EPHA5: variants seen among roughly 807,000 people sequenced by gnomAD.
The protein encoded by EPHA5 is EPH receptor A5.
A neutral mutation model predicts 105.0 loss-of-function variants in EPHA5; 60 were observed. The observed-to-expected ratio is 0.57, with a 90% CI of 0.46 to 0.71. The LOEUF is 0.71. Ranked by LOEUF, EPHA5 falls within the 30% of genes least tolerant of loss-of-function variation. The probability of loss-of-function intolerance (pLI) is 0.00; values close to 1 mark genes in which losing one functional copy is unlikely to be tolerated. For missense variants in EPHA5, 1,218 were observed against 1,274.7 expected (o/e 0.96, Z 0.68); for synonymous variants, 513 against 449.1 (o/e 1.14, Z -1.80).
chr4:65,591,236 A>G (rs1742616139), intron 3 of EPHA5, among the ~76,000 whole-genome samples: 1 of 152,124 alleles, frequency 6.6e-6, no homozygotes, highest in South Asian at 2.1e-4. Flanking sequence ...TATGAAATAG[A>G]CCAATATTTA....
At chr4:65,550,286 A>G (rs529875160) in intron 3 of EPHA5, among the ~76,000 whole-genome samples, 2 of 152,166 alleles carry the variant, frequency 1.3e-5, no homozygotes, top group East Asian at 1.9e-4. Context: ...GGGTGCCCAT[A>G]TTTCTCTTGA....
intron 11 of EPHA5, among the ~76,000 whole-genome samples, chr4:65,364,788 G>A (rs1286305890): frequency 6.6e-6 from 1 of 151,340 alleles, no homozygotes; most frequent in Non-Finnish European, 1.5e-5. Context: ...ATTTTTGTCT[G>A]ACATTGAATT....
chr4:65,482,092 G>A (rs563050116), intron 5 of EPHA5, among the ~76,000 whole-genome samples: 2 of 152,230 alleles, frequency 1.3e-5, no homozygotes, highest in East Asian at 1.9e-4. Context: ...GAGGTCAGGA[G>A]TTTGAGACCA....
chr4:65,472,058 C>T (rs1729339444), intron 5 of EPHA5, among the ~76,000 whole-genome samples: 1 of 152,134 alleles, frequency 6.6e-6, no homozygotes, highest in African/African-American at 2.4e-5. Flanking sequence ...AAATCAAAAG[C>T]TAGTTAGTTC....
At chr4:65,523,008 G>A (rs1170892016) in intron 3 of EPHA5, among the ~76,000 whole-genome samples, 8 of 151,810 alleles carry the variant, frequency 5.3e-5, no homozygotes, top group South Asian at 2.1e-4. Flanking sequence ...AAAAATCATC[G>A]TCAAATGGCT....
chr4:65,535,937 C>A (rs190285081), intron 3 of EPHA5, among the ~76,000 whole-genome samples: 1 of 151,954 alleles, frequency 6.6e-6, no homozygotes, highest in East Asian at 1.9e-4. Flanking sequence ...TACAATAAAA[C>A]ATTTTTTAAA....
chr4:65,489,081 T>G (rs1484014308), intron 5 of EPHA5, among the ~76,000 whole-genome samples: 1 of 151,916 alleles, frequency 6.6e-6, no homozygotes, highest in Non-Finnish European at 1.5e-5. Context: ...TTATTTTTAG[T>G]AGAGACGGGG....
chr4:65,495,649 C>CA, intron 3 of EPHA5, 106 bp from the exon 4 acceptor site: 1 of 854,834 alleles, frequency 1.2e-6, no homozygotes, highest in Non-Finnish European at 1.7e-6. Context: ...ACAGATAACA[C>CA]AATCTTTGCA....
intron 3 of EPHA5, among the ~76,000 whole-genome samples, chr4:65,504,840 T>A (rs940548782): frequency 6.6e-6 from 1 of 151,992 alleles, no homozygotes; most frequent in Non-Finnish European, 1.5e-5. Context: ...ATAAATAATA[T>A]AATTCAGGTA....
At chr4:65,564,925 T>C (rs1739375532) in intron 3 of EPHA5, among the ~76,000 whole-genome samples, 1 of 151,766 alleles carries the variant, frequency 6.6e-6, no homozygotes, top group Non-Finnish European at 1.5e-5. Context: ...TGTTAATTTA[T>C]GACCTAATTT....
chr4:65,442,491 G>A (rs10006666), intron 5 of EPHA5, among the ~76,000 whole-genome samples: 138,146 of 152,150 alleles, frequency 0.91, 63,612 homozygotes, highest in East Asian at 1. Context: ...ATCGCTAGCT[G>A]ATTAAAACAC....
In EPHA5 at chr4:65,490,475, G is replaced by A. The variant is rs1187298688; in HGVS notation, c.1304C>T (p.Thr435Ile). The change falls in exon 5 of 17, where the codon ACA becomes ATA. Residue 435 changes from threonine to isoleucine, a missense_variant. Transcript: ENST00000613740. Reference sequence around the variant, plus strand: ...TGCCTCAATCTCAAAGGTATAGTTTGTGTGAGCGAGTAGATCCACCATCAT... The same window carrying A: ...TGCCTCAATCTCAAAGGTATAGTTTATGTGAGCGAGTAGATCCACCATCAT... ...SVMMVDLLAHTNYTFEIEAVN... is the reference protein window; with the variant it reads ...SVMMVDLLAHINYTFEIEAVN... The A allele has an allele frequency of 6.8e-6, 11 of 1,614,030 alleles. No homozygotes were observed. The highest frequency in any genetic ancestry group is 4.0e-5 in the African/African-American group (3 of 74,920).
chr4:65,619,005 A>C (rs530295302), intron 2 of EPHA5, among the ~76,000 whole-genome samples: 1 of 152,244 alleles, frequency 6.6e-6, no homozygotes, highest in South Asian at 2.1e-4. Flanking sequence ...AAACACAAAA[A>C]TTAGCCGGGC....
chr4:65,382,896 C>A (rs1414068508), intron 8 of EPHA5, among the ~76,000 whole-genome samples: 5 of 151,320 alleles, frequency 3.3e-5, no homozygotes, highest in Admixed American at 2.6e-4. Flanking sequence ...TTAATGAATA[C>A]AAGGGAAAGG....
rs1043196704 is a variant in EPHA5 at position 65,643,390 on chromosome 4, C to T, written c.219G>A (p.Leu73=). The T allele has an allele frequency of 2.5e-6, 4 of 1,612,900 alleles. No individual in the cohort carries two copies. In the African/African-American group the frequency reaches 5.3e-5, roughly 22 times the overall value. Reference sequence around the variant, plus strand: ...CATTTTTTGGAAAAGCAATCCATCCCAGGTCCCCCATGACAGTGCGTGAAT... The same window carrying T: ...CATTTTTTGGAAAAGCAATCCATCCTAGGTCCCCCATGACAGTGCGTGAAT... ...LLDSRTVMGD[L]GWIAFPKNGW... The change falls in exon 2 of 17, where the codon CTG becomes CTA. Residue 73 remains leucine (L), a synonymous_variant. Transcript: ENST00000613740.
At chr4:65,584,458 G>T (rs1456797992) in intron 3 of EPHA5, among the ~76,000 whole-genome samples, 1 of 151,696 alleles carries the variant, frequency 6.6e-6, no homozygotes, top group African/African-American at 2.4e-5. Context: ...TTTTTTGAGT[G>T]GCATGACACA....
intron 2 of EPHA5, among the ~76,000 whole-genome samples, chr4:65,632,479 A>C (rs1354820979): frequency 6.6e-6 from 1 of 151,732 alleles, no homozygotes; most frequent in South Asian, 2.1e-4. Flanking sequence ...ATACAAAATA[A>C]ATAGAAACTC....
At chr4:65,574,623 T>TAC in intron 3 of EPHA5, among the ~76,000 whole-genome samples, 1 of 128,352 alleles carries the variant, frequency 7.8e-6, no homozygotes, top group Non-Finnish European at 1.7e-5. Flanking sequence ...CATATATATA[T>TAC]ATACACATAT....
At chr4:65,471,899 G>T (rs1729321644) in intron 5 of EPHA5, among the ~76,000 whole-genome samples, 1 of 152,000 alleles carries the variant, frequency 6.6e-6, no homozygotes, top group African/African-American at 2.4e-5. Flanking sequence ...CAAATCTAAT[G>T]TCCTCACTTT....
Sources: allele counts gnomAD v4.1 joint callset (sites outside exome capture counted in the v4.1 genomes callset), GRCh38; gene constraint gnomAD v4.1.1; transcripts MANE v1.5; gene names NCBI Gene and HGNC (gene_info 2026-07-23, HGNC 2026-07-21).